The following CACNB4 variants were observed in gnomAD, a reference collection of about 807,000 sequenced individuals.
CACNB4 encodes the protein calcium voltage-gated channel auxiliary subunit beta 4.
A neutral mutation model predicts 71.2 loss-of-function variants in CACNB4; 32 were observed. That is an observed-to-expected ratio of 0.45 (90% CI 0.34 to 0.60). CACNB4 has a LOEUF of 0.60. Among genes scored for constraint, CACNB4 ranks in the 20% least tolerant of loss-of-function variants. The pLI, the probability that CACNB4 is intolerant of heterozygous loss-of-function variation, is 0.01. For missense variants in CACNB4, 464 were observed against 647.9 expected (o/e 0.72, Z 3.08); for synonymous variants, 231 against 236.9 (o/e 0.97, Z 0.23).
At chr2:151,915,320 C>T (rs1229252236) in intron 2 of CACNB4, among the ~76,000 whole-genome samples, 1 of 152,202 alleles carries the variant, frequency 6.6e-6, no homozygotes, top group Non-Finnish European at 1.5e-5. Context: ...GTCCAGCCTC[C>T]CTGGCTCCAG....
chr2:151,878,147 T>C (rs993701990), intron 4 of CACNB4, among the ~76,000 whole-genome samples: 2 of 152,094 alleles, frequency 1.3e-5, no homozygotes, highest in Admixed American at 6.5e-5. Context: ...AACAATGATA[T>C]GTAGTATATT....
At chr2:151,950,983 G>A (rs975322061) in intron 2 of CACNB4, among the ~76,000 whole-genome samples, 1 of 152,060 alleles carries the variant, frequency 6.6e-6, no homozygotes, top group African/African-American at 2.4e-5. Flanking sequence ...TGTCACCCTG[G>A]CTGGAGGCTG....
intron 2 of CACNB4, among the ~76,000 whole-genome samples, chr2:152,068,011 T>G (rs1041822559): frequency 6.6e-6 from 1 of 152,144 alleles, no homozygotes; most frequent in African/African-American, 2.4e-5. Context: ...AGTGTTTAGG[T>G]TGACTCATTG....
intron 2 of CACNB4, among the ~76,000 whole-genome samples, chr2:152,042,394 C>G (rs1184091991): frequency 6.6e-6 from 1 of 152,162 alleles, no homozygotes; most frequent in African/African-American, 2.4e-5. Flanking sequence ...CTTGGAGCCT[C>G]TACTTCTTCA....
rs187491472 is a variant in CACNB4 at position 151,990,400 on chromosome 2, T to C, written c.148-107030A>G. 5.3e-5 allele frequency among the ~76,000 whole-genome samples: 8 copies of C among 152,296 alleles called. No individual in the cohort carries two copies. In the East Asian group the frequency reaches 1.3e-3, roughly 26 times the overall value. Reference sequence around the variant, plus strand: ...CAGCCCAGACATCTCCTCACTTCCCTACCAAAAGCACAACCCTCTCCAGTT... The same window carrying C: ...CAGCCCAGACATCTCCTCACTTCCCCACCAAAAGCACAACCCTCTCCAGTT... On this transcript the variant is annotated intron_variant, in intron 2 of 13. Transcript: ENST00000539935.
intron 2 of CACNB4, among the ~76,000 whole-genome samples, chr2:152,001,983 T>C (rs2151781447): frequency 6.6e-6 from 1 of 152,316 alleles, no homozygotes; most frequent in African/African-American, 2.4e-5. Context: ...CTAACTGTGC[T>C]AACAACGAGC....
chr2:152,095,016 G>T (rs372175189), intron 2 of CACNB4, among the ~76,000 whole-genome samples: 3 of 152,298 alleles, frequency 2.0e-5, no homozygotes, highest in African/African-American at 4.8e-5. Flanking sequence ...GAAAGCCTTT[G>T]TGTGTACTTT....
At chr2:151,982,010 G>A (rs762135687) in intron 2 of CACNB4, among the ~76,000 whole-genome samples, 1 of 152,098 alleles carries the variant, frequency 6.6e-6, no homozygotes, top group Non-Finnish European at 1.5e-5. Context: ...CAATGGATTA[G>A]TCTTAGCCCT....
chr2:151,939,666 C>T (rs568813190), intron 2 of CACNB4, among the ~76,000 whole-genome samples: 451 of 152,268 alleles, frequency 3.0e-3, no homozygotes, highest in Non-Finnish European at 4.5e-3. Context: ...AAAGTGACTA[C>T]CCATGACCCA....
At chr2:151,944,862 G>A (rs1411212920) in intron 2 of CACNB4, among the ~76,000 whole-genome samples, 1 of 152,104 alleles carries the variant, frequency 6.6e-6, no homozygotes, top group Admixed American at 6.5e-5. Context: ...GGAGGAGGAG[G>A]ACTAGAACCC....
At position 151,870,627 on chromosome 2, in the gene CACNB4, C is replaced by T. The variant is rs368609207; in HGVS notation, c.619-16G>A. 4.7e-5 allele frequency: 75 copies of T among 1,604,458 alleles called. No homozygotes were observed. The Middle Eastern group carries it at 1.7e-3, about 35-fold the overall frequency. On this transcript the variant is annotated splice_polypyrimidine_tract_variant and intron_variant, in intron 7 of 13. Coordinates refer to ENST00000539935, the MANE Select transcript of CACNB4 (RefSeq NM_000726.5). ...TGTGCTCCGTCTGAAAAAGATGATT[C>T]GACACGCGTGACAAGGTGAGGTTGA... is the stretch of plus-strand genomic sequence containing the variant.
intron 9 of CACNB4, chr2:151,867,017 T>C (rs1317598267): frequency 1.3e-5 from 2 of 152,244 alleles, no homozygotes; most frequent in Non-Finnish European, 2.9e-5. Context: ...GGCCTCAGGA[T>C]TGAGGAAGAA....
chr2:151,842,865 C>G (rs2099836579), intron 12 of CACNB4, among the ~76,000 whole-genome samples: 1 of 152,118 alleles, frequency 6.6e-6, no homozygotes, highest in African/African-American at 2.4e-5. Context: ...CCTAAGGTAA[C>G]TATGTTGAAG....
chr2:151,856,031 C>T (rs556584294), intron 10 of CACNB4, among the ~76,000 whole-genome samples: 33 of 151,260 alleles, frequency 2.2e-4, no homozygotes, highest in African/African-American at 5.6e-4. Flanking sequence ...TATATTAAAA[C>T]GCTGCAATGC....
chr2:152,064,508 G>A (rs1448514299), intron 2 of CACNB4, among the ~76,000 whole-genome samples: 6 of 152,124 alleles, frequency 3.9e-5, no homozygotes, highest in African/African-American at 1.4e-4. Flanking sequence ...AGCCTCCCAA[G>A]TAGCTGGGAT....
At chr2:151,932,872 G>A (rs1174821561) in intron 2 of CACNB4, among the ~76,000 whole-genome samples, 1 of 150,244 alleles carries the variant, frequency 6.7e-6, no homozygotes, top group African/African-American at 2.5e-5. Context: ...TTTGGACACA[G>A]GGACAGACAC....
rs2099835364 is a variant in CACNB4, at chr2:151,838,430, A to G, written c.*689T>C. 6.6e-6 allele frequency: 1 copy of G among 152,656 alleles called. No individual in the cohort carries two copies. Among genetic ancestry groups the G allele is most frequent in the South Asian group, 2.1e-4 (1 of 4,838 alleles). 9.5% of individuals were successfully genotyped at this position (152,656 alleles called of 1,614,324 possible). The stretch of plus-strand genomic sequence containing the variant: ...ACACTTTGAATACAACAGCTGTGCC[A>G]GGAAAGAAATAAAAATATTAAAATC... On this transcript the variant is annotated 3_prime_UTR_variant, in exon 14 of 14. Transcript: ENST00000539935.
chr2:151,866,567 C>T (rs62175665), intron 9 of CACNB4: 4,525 of 152,332 alleles, frequency 0.03, 65 homozygotes, highest in African/African-American at 0.04. Flanking sequence ...CAAAACCTAA[C>T]GATATTCCCC....
At chr2:152,007,506 A>T (rs1175960935) in intron 2 of CACNB4, among the ~76,000 whole-genome samples, 1 of 152,224 alleles carries the variant, frequency 6.6e-6, no homozygotes, top group Non-Finnish European at 1.5e-5. Flanking sequence ...CACTTAGCGT[A>T]ATGTCTTCAA....
Sources: gnomAD v4.1 joint callset for allele counts (sites outside exome capture counted in the v4.1 genomes callset) on GRCh38, gnomAD v4.1.1 for gene constraint, MANE v1.5 for transcripts, NCBI Gene and HGNC (gene_info 2026-07-23, HGNC 2026-07-21) for gene names.